ACVR1C: variants seen among roughly 807,000 people sequenced by gnomAD.
ACVR1C encodes activin A receptor type 1C.
Under a neutral mutation model 57.9 loss-of-function variants are expected in ACVR1C, and 23 were observed. The ratio of observed to expected loss-of-function variants is 0.40; its 90% CI spans 0.29 to 0.56. ACVR1C has a LOEUF of 0.56. ACVR1C is among the 20% of genes least tolerant of loss of function. ACVR1C has a pLI of 0.50. For missense variants in ACVR1C, 480 were observed against 607.9 expected (o/e 0.79, Z 2.21); for synonymous variants, 214 against 215.3 (o/e 0.99, Z 0.05).
intron 2 of ACVR1C, among the ~76,000 whole-genome samples, chr2:157,576,476 T>C (rs1688655844): frequency 6.6e-6 from 1 of 152,092 alleles, no homozygotes; most frequent in Non-Finnish European, 1.5e-5. Flanking sequence ...AGTGCTGGGA[T>C]TACAGGCATG....
intron 2 of ACVR1C, among the ~76,000 whole-genome samples, chr2:157,574,501 C>G (rs768711693): frequency 6.6e-6 from 1 of 152,156 alleles, no homozygotes; most frequent in Non-Finnish European, 1.5e-5. Context: ...ATAGCAGACT[C>G]TTAATGTTTA....
chr2:157,548,266 A>G, intron 4 of ACVR1C, among the ~76,000 whole-genome samples: 1 of 150,524 alleles, frequency 6.6e-6, no homozygotes, highest in Non-Finnish European at 1.5e-5. Flanking sequence ...CCACTGCTCA[A>G]GGAAATCAAA....
At chr2:157,550,034 G>GAAAA in intron 4 of ACVR1C, 128 bp downstream of exon 4, 4 of 599,684 alleles carry the variant, frequency 6.7e-6, no homozygotes, top group Non-Finnish European at 7.7e-6. Flanking sequence ...AAAGGAAAAG[G>GAAAA]AAAAAAAAAA....
intron 1 of ACVR1C, among the ~76,000 whole-genome samples, chr2:157,623,241 G>A (rs1191398437): frequency 6.6e-6 from 1 of 152,134 alleles, no homozygotes; most frequent in African/African-American, 2.4e-5. Context: ...ATATGATCCA[G>A]CAATCCCACT....
At chr2:157,545,228 C>T (rs954523339) in intron 4 of ACVR1C, among the ~76,000 whole-genome samples, 1 of 152,270 alleles carries the variant, frequency 6.6e-6, no homozygotes, top group African/African-American at 2.4e-5. Flanking sequence ...AAAGAAATTA[C>T]TCTAAAACTT....
chr2:157,554,268 A>AAGGAAGG lies in ACVR1C; in HGVS notation c.544+1824_544+1825insCCTTCCT, dbSNP rs1688019044. On this transcript the variant is annotated intron_variant, in intron 3 of 8. Transcript: ENST00000243349. ...GAAAGAAAGAAAGAAAGAAAGAAAGAAAGGAAGGAAGGAAGAGAGAGAGAG... is the reference window on the plus strand; with the variant it reads ...GAAAGAAAGAAAGAAAGAAAGAAAGAAGGAAGGAAGGAAGGAAGGAAGAGAGAGAGAG... Among the ~76,000 whole-genome samples, 44 of 113,556 alleles carry AAGGAAGG rather than the reference A, an allele frequency of 3.9e-4. 2 individuals carry two copies. Among genetic ancestry groups the AAGGAAGG allele is most frequent in the African/African-American group, 1.0e-4 (2 of 19,400 alleles). 74.5% of individuals were successfully genotyped at this position (113,556 alleles called of 152,430 possible). A position where few individuals can be genotyped will look rare whatever the true frequency, so the allele number is the denominator to read the frequency against.
At chr2:157,550,680 T>C (rs1171719420) in intron 3 of ACVR1C, among the ~76,000 whole-genome samples, 1 of 150,550 alleles carries the variant, frequency 6.6e-6, no homozygotes, top group Non-Finnish European at 1.5e-5. Context: ...GCTGCAAATC[T>C]CCTTCATTTG....
intron 8 of ACVR1C, among the ~76,000 whole-genome samples, chr2:157,536,896 T>C (rs1687502309): frequency 6.6e-6 from 1 of 152,174 alleles, no homozygotes; most frequent in Admixed American, 6.5e-5. Context: ...GTTGGGTCTA[T>C]TCCAAGAATG....
chr2:157,601,285 C>G (rs1166422744), intron 1 of ACVR1C, among the ~76,000 whole-genome samples: 4 of 151,628 alleles, frequency 2.6e-5, no homozygotes, highest in African/African-American at 9.7e-5. Context: ...CCACTGCTCT[C>G]CAGCCTGGGT....
Position 157,532,042 on chromosome 2 carries a change from A to AT in ACVR1C, c.*1875dup, listed in dbSNP as rs1167684332. The AT allele has an allele frequency of 1.1e-4, 17 of 152,128 alleles. No homozygotes were observed. Among genetic ancestry groups the AT allele is most frequent in the African/African-American group, 4.1e-4 (17 of 41,424 alleles). 9.4% of individuals were successfully genotyped at this position (152,128 alleles called of 1,614,324 possible). A position where few individuals can be genotyped will look rare whatever the true frequency, so the allele number is the denominator to read the frequency against. On this transcript the variant is annotated 3_prime_UTR_variant, in exon 9 of 9. Coordinates refer to ENST00000243349, the MANE Select transcript of ACVR1C (RefSeq NM_145259.3). The stretch of plus-strand genomic sequence containing the variant: ...TGCTCTATGATTATTTAATAAGTGG[A>AT]TGAGAGCATTAACGAGTATGGAAGT...
intron 2 of ACVR1C, 41 bp downstream of exon 2, chr2:157,587,146 A>G: frequency 6.7e-7 from 1 of 1,499,980 alleles, no homozygotes; most frequent in Non-Finnish European, 9.3e-7. Flanking sequence ...GTTTCCCAAG[A>G]GTAAAATTAA....
At chr2:157,546,446 A>C (rs1687757833) in intron 4 of ACVR1C, among the ~76,000 whole-genome samples, 1 of 152,208 alleles carries the variant, frequency 6.6e-6, no homozygotes, top group African/African-American at 2.4e-5. Flanking sequence ...TCCAATTAAT[A>C]ATGAGTACTT....
At chr2:157,551,607 A>G (rs1259983715) in intron 3 of ACVR1C, among the ~76,000 whole-genome samples, 2 of 152,246 alleles carry the variant, frequency 1.3e-5, no homozygotes, top group African/African-American at 2.4e-5. Flanking sequence ...GGGGTGAGTT[A>G]TGATAGTCTT....
chr2:157,600,124 A>G (rs1682246707), intron 1 of ACVR1C, among the ~76,000 whole-genome samples: 2 of 152,238 alleles, frequency 1.3e-5, no homozygotes, highest in Admixed American at 1.3e-4. Context: ...CCCTAGAATC[A>G]CAGTTGAGGA....
At chr2:157,551,087 CTTA>C (rs1330581719) in intron 3 of ACVR1C, among the ~76,000 whole-genome samples, 2 of 152,052 alleles carry the variant, frequency 1.3e-5, no homozygotes, top group East Asian at 1.9e-4. Context: ...TGTTTAATAT[CTTA>C]TTATTATTTA....
rs1687656695 is a variant in ACVR1C at position 157,542,932 on chromosome 2, G to A, written c.944-70C>T. 7.5e-6 allele frequency: 11 copies of A among 1,469,356 alleles called. No individual in the cohort carries two copies. In the East Asian group the frequency reaches 2.6e-4, roughly 35 times the overall value. The allele number at this position is 1,469,356 out of a possible 1,614,324, so 91.0% of individuals were successfully genotyped here. On this transcript the variant is annotated intron_variant, in intron 5 of 8. Coordinates refer to ENST00000243349, the MANE Select transcript of ACVR1C (RefSeq NM_145259.3). ...ACTGTTCAAGAGAAATCATCCTGAA[G>A]ACTTAGCTCAAAATGAGCTAATTCA... is the stretch of plus-strand genomic sequence containing the variant.
At chr2:157,543,491 T>C (rs1687669003) in intron 5 of ACVR1C, among the ~76,000 whole-genome samples, 1 of 152,256 alleles carries the variant, frequency 6.6e-6, no homozygotes, top group South Asian at 2.1e-4. Context: ...TTAAAATATT[T>C]ATGTTAACAT....
chr2:157,554,268 A>AAAGAAAGAAAGGAAGG (rs1261113225), intron 3 of ACVR1C, among the ~76,000 whole-genome samples: 20 of 113,604 alleles, frequency 1.8e-4, no homozygotes, highest in South Asian at 5.6e-4. Flanking sequence ...AGAAAGAAAG[A>AAAGAAAGAAAGGAAGG]AAGGAAGGAA....
intron 1 of ACVR1C, among the ~76,000 whole-genome samples, chr2:157,596,412 C>CATT (rs1558991641): frequency 1.3e-5 from 2 of 152,082 alleles, no homozygotes; most frequent in Admixed American, 1.3e-4. Context: ...AAATAAAATA[C>CATT]ATCACTCCTA....
Sources: gnomAD v4.1 joint callset for allele counts (sites outside exome capture counted in the v4.1 genomes callset) on GRCh38, gnomAD v4.1.1 for gene constraint, MANE v1.5 for transcripts, NCBI Gene and HGNC (gene_info 2026-07-23, HGNC 2026-07-21) for gene names.